TRANK1: variants seen among roughly 807,000 people sequenced by gnomAD.
TRANK1 encodes TPR and ankyrin repeat-containing protein 1.
Under a neutral mutation model 266.0 loss-of-function variants are expected in TRANK1, and 198 were observed. The observed-to-expected ratio is 0.74, with a 90% CI of 0.66 to 0.84. The LOEUF (loss-of-function observed/expected upper bound fraction) is 0.84, where lower values mean the gene tolerates loss of function less well. TRANK1 is among the 40% of genes least tolerant of loss of function. TRANK1 has a pLI of 0.00. For synonymous variants in TRANK1, 1,396 were observed against 1,384.1 expected (o/e 1.01, Z -0.19); for missense variants, 3,326 against 3,634.6 (o/e 0.92, Z 2.18).
chr3:36,927,801 T>C lies in TRANK1; in HGVS notation c.23+16986A>G, dbSNP rs559140464. ...TTTTCTACTCAGTGGAAATTTAGCCTTCAATTCTTGTGTGTGAGAGTATGA... is the reference window on the plus strand; with the variant it reads ...TTTTCTACTCAGTGGAAATTTAGCCCTCAATTCTTGTGTGTGAGAGTATGA... On this transcript the variant is annotated intron_variant, in intron 1 of 23. Transcript: ENST00000645898. Among the ~76,000 whole-genome samples, 3 of 152,356 alleles carry C rather than the reference T, an allele frequency of 2.0e-5. No individual in the cohort carries two copies. In the South Asian group the frequency reaches 6.2e-4, roughly 32 times the overall value.
Position 36,874,110 on chromosome 3 carries a change from A to G in TRANK1, c.1078+16T>C, listed in dbSNP as rs2079350663. The G allele has an allele frequency of 9.1e-6, 14 of 1,530,152 alleles. No homozygotes were observed. The highest frequency in any genetic ancestry group is 1.0e-5 in the Non-Finnish European group (12 of 1,143,860). The allele number at this position is 1,530,152 out of a possible 1,614,324, so 94.8% of individuals were successfully genotyped here. A position where few individuals can be genotyped will look rare whatever the true frequency, so the allele number is the denominator to read the frequency against. ...AGTTTTATGCCCCCCAAAAGTTAAT[A>G]CACTGGAAGCTGTACCTGATAGGTC... On this transcript the variant is annotated intron_variant, in intron 9 of 23. Coordinates refer to ENST00000645898, the MANE Select transcript of TRANK1 (RefSeq NM_001329998.2).
chr3:36,891,617 T>C (rs751609465), intron 7 of TRANK1, among the ~76,000 whole-genome samples: 3 of 152,242 alleles, frequency 2.0e-5, no homozygotes, highest in African/African-American at 7.2e-5. Flanking sequence ...TGTGTGCATA[T>C]GTGTGTGTTA....
chr3:36,830,577 C>A (rs1283147279), intron 22 of TRANK1, among the ~76,000 whole-genome samples: 1 of 152,132 alleles, frequency 6.6e-6, no homozygotes, highest in African/African-American at 2.4e-5. Flanking sequence ...GGAGAGAAAG[C>A]GATTCATTCT....
intron 7 of TRANK1, among the ~76,000 whole-genome samples, chr3:36,891,054 T>C (rs1356469431): frequency 6.6e-6 from 1 of 152,232 alleles, no homozygotes; most frequent in African/African-American, 2.4e-5. Flanking sequence ...ATAAAATCTC[T>C]TGGCCAGGCA....
At chr3:36,932,339 G>T (rs1293715560) in intron 1 of TRANK1, among the ~76,000 whole-genome samples, 2 of 152,192 alleles carry the variant, frequency 1.3e-5, no homozygotes, top group African/African-American at 4.8e-5. Context: ...GGGAGGTGGA[G>T]GTGAGTGGAT....
intron 8 of TRANK1, among the ~76,000 whole-genome samples, chr3:36,874,897 C>T (rs191359521): frequency 1.3e-3 from 204 of 151,992 alleles, no homozygotes; most frequent in Non-Finnish European, 2.4e-3. Context: ...TACACAAAGA[C>T]TTAAATGGGC....
At chr3:36,861,439 CT>C in intron 10 of TRANK1, among the ~76,000 whole-genome samples, 1 of 152,216 alleles carries the variant, frequency 6.6e-6, no homozygotes, top group Admixed American at 6.5e-5. Flanking sequence ...TCAGAGTATT[CT>C]GCTGAGATCA....
In TRANK1 at chr3:36,879,936, ATGTAAACATGCAAATATATGTAAACATG is replaced by A. The variant is rs2079489319; in HGVS notation, c.908-5668_908-5641del. ...CAAATATATGTAAACATGCAAATAT[ATGTAAACATGCAAATATATGTAAACATG>A]CAAATATATGTAAACATGCAAATAT... is the stretch of plus-strand genomic sequence containing the variant. On this transcript the variant is annotated intron_variant, in intron 8 of 23. Coordinates refer to ENST00000645898, the MANE Select transcript of TRANK1 (RefSeq NM_001329998.2). Among the ~76,000 whole-genome samples the A allele has an allele frequency of 7.2e-4, 14 of 19,462 alleles. 4 individuals are homozygous for A. The highest frequency in any genetic ancestry group is 3.9e-3 in the East Asian group (3 of 766). The allele number at this position is 19,462 out of a possible 152,430, so 12.8% of individuals were successfully genotyped here. A position where few individuals can be genotyped will look rare whatever the true frequency, so the allele number is the denominator to read the frequency against.
Position 36,860,899 on chromosome 3 carries a change from C to T in TRANK1, c.1495+7G>A, listed in dbSNP as rs1221049242. On this transcript the variant is annotated splice_region_variant and intron_variant, in intron 11 of 23. Transcript: ENST00000645898. ...GTCTCCAACGCTTAGCATCCAGTCACTCTCACCTCCACTGTCTATCAGGCA... is the reference window on the plus strand; with the variant it reads ...GTCTCCAACGCTTAGCATCCAGTCATTCTCACCTCCACTGTCTATCAGGCA... 6.5e-7 allele frequency: 1 copy of T among 1,537,146 alleles called. No homozygotes were observed. Among genetic ancestry groups the T allele is most frequent in the Admixed American group, 2.0e-5 (1 of 51,006 alleles).
At chr3:36,828,412 A>AAC in intron 23 of TRANK1, 37 bp from the exon 24 acceptor site, 1 of 404,770 alleles carries the variant, frequency 2.5e-6, no homozygotes, top group Non-Finnish European at 5.2e-6. Flanking sequence ...AAGGAAGGAA[A>AAC]GAAGGGAGGG....
rs1412151555 is a variant in TRANK1, at chr3:36,827,269, C to G, written c.*1006G>C. 1.3e-5 allele frequency: 2 copies of G among 152,272 alleles called. No individual in the cohort carries two copies. Among genetic ancestry groups the G allele is most frequent in the African/African-American group, 4.8e-5 (2 of 41,452 alleles). The allele number at this position is 152,272 out of a possible 1,614,324, so 9.4% of individuals were successfully genotyped here. A position where few individuals can be genotyped will look rare whatever the true frequency, so the allele number is the denominator to read the frequency against. ...CCGCCCTCTTATAAGGCCTGCCAGC[C>G]AAGTGGCAGTGACGGATTTGGCTTA... On this transcript the variant is annotated 3_prime_UTR_variant, in exon 24 of 24. Transcript: ENST00000645898.
chr3:36,913,709 A>G (rs536782325), intron 1 of TRANK1, among the ~76,000 whole-genome samples: 1 of 152,076 alleles, frequency 6.6e-6, no homozygotes, highest in Admixed American at 6.5e-5. Flanking sequence ...TAAGAAACTC[A>G]CTCAAAATAT....
At chr3:36,865,750 A>G (rs1459135236) in intron 9 of TRANK1, among the ~76,000 whole-genome samples, 12 of 152,108 alleles carry the variant, frequency 7.9e-5, no homozygotes, top group African/African-American at 2.9e-4. Context: ...ATATATAGAC[A>G]TATTCATATA....
At chr3:36,869,227 TA>T (rs1368733458) in intron 9 of TRANK1, among the ~76,000 whole-genome samples, 3 of 152,130 alleles carry the variant, frequency 2.0e-5, no homozygotes, top group Non-Finnish European at 2.9e-5. Flanking sequence ...GGCTCCCAAA[TA>T]ATTCATGTAC....
Position 36,829,606 on chromosome 3 carries a change from G to C in TRANK1, c.8767C>G (p.Arg2923Gly), listed in dbSNP as rs746323178. 2 of 1,613,844 alleles carry C rather than the reference G, an allele frequency of 1.2e-6. No individual in the cohort carries two copies. The highest frequency in any genetic ancestry group is 1.7e-6 in the Non-Finnish European group (2 of 1,179,878). Reference protein sequence around the residue: ...NILILSVRDARDWLMKTETRL... With the variant: ...NILILSVRDAGDWLMKTETRL... The stretch of plus-strand genomic sequence containing the variant: ...GTCTCTGTTTTCATCAACCAGTCTC[G>C]TGCATCCCTGACTGACAGGATCAGA... Residue 2923 changes from arginine to glycine, a missense_variant, in exon 23 of 24, where the codon CGA (arginine) becomes GGA (glycine). Coordinates refer to ENST00000645898, the MANE Select transcript of TRANK1 (RefSeq NM_001329998.2).
At chr3:36,898,399 A>C (rs1008054430) in intron 4 of TRANK1, among the ~76,000 whole-genome samples, 1 of 152,078 alleles carries the variant, frequency 6.6e-6, no homozygotes, top group Non-Finnish European at 1.5e-5. Context: ...CAGTGAGCAA[A>C]GATCGTGCCA....
intron 8 of TRANK1, 26 bp from the exon 9 acceptor site, chr3:36,874,322 G>A (rs1369525521): frequency 6.5e-7 from 1 of 1,532,518 alleles, no homozygotes; most frequent in Non-Finnish European, 8.7e-7. Context: ...ATGAGAAGGG[G>A]TGTTTGTCAT....
intron 15 of TRANK1, chr3:36,851,144 G>A (rs1314783823): frequency 1.0e-6 from 1 of 985,666 alleles, no homozygotes; most frequent in Non-Finnish European, 1.2e-6. Context: ...GAGGTCACTG[G>A]GGGTCAATGT....
At chr3:36,887,436 C>A (rs1032938002) in intron 8 of TRANK1, among the ~76,000 whole-genome samples, 3 of 152,142 alleles carry the variant, frequency 2.0e-5, no homozygotes, top group Non-Finnish European at 4.4e-5. Flanking sequence ...TATCTGTATA[C>A]TAAAAATAAA....
Sources: allele counts gnomAD v4.1 joint callset (sites outside exome capture counted in the v4.1 genomes callset), GRCh38; gene constraint gnomAD v4.1.1; transcripts MANE v1.5; gene names NCBI Gene and HGNC (gene_info 2026-07-23, HGNC 2026-07-21).